The following TNK2 variants were observed in gnomAD, a reference collection of about 807,000 sequenced individuals.
TNK2 encodes tyrosine kinase non receptor 2, also known as activated CDC42 kinase 1.
In TNK2, 83 loss-of-function variants were observed where a neutral mutation model predicts 101.8. That is an observed-to-expected ratio of 0.82 (90% CI 0.68 to 0.98). The LOEUF (loss-of-function observed/expected upper bound fraction) is 0.98, where lower values mean the gene tolerates loss of function less well. Among genes scored for constraint, TNK2 ranks in the 50% least tolerant of loss-of-function variants. The probability of loss-of-function intolerance (pLI) is 0.00; values close to 1 mark genes in which losing one functional copy is unlikely to be tolerated. For synonymous variants in TNK2, 804 were observed against 633.0 expected, an observed-to-expected ratio of 1.27 and a Z score of -4.06; for missense variants, 1,665 against 1,483.2, an observed-to-expected ratio of 1.12 and a Z score of -2.01.
At chr3:195,891,337 C>A (rs1323504614) in intron 1 of TNK2, among the ~76,000 whole-genome samples, 2 of 152,198 alleles carry the variant, frequency 1.3e-5, no homozygotes, top group Non-Finnish European at 2.9e-5. Flanking sequence ...ACCCGGGAGG[C>A]GGAGGCTGTG....
intron 11 of TNK2, 120 bp downstream of exon 11, chr3:195,869,994 G>A: frequency 1.3e-6 from 1 of 780,670 alleles, no homozygotes; most frequent in Non-Finnish European, 2.0e-6. Context: ...TGTCCCGCCT[G>A]CTGCCCTGAC....
rs1223736093 is a variant in TNK2 at position 195,872,319 on chromosome 3, T to C, written c.1408A>G (p.Ser470Gly). 1.2e-6 allele frequency: 2 copies of C among 1,613,150 alleles called. No homozygotes were observed. Among genetic ancestry groups the C allele is most frequent in the Admixed American group, 1.7e-5 (1 of 59,992 alleles). ...AAGCCCCAGCAGTGGCGGGGGTCAC[T>C]GTCGCCATGCCCTGTGTGGATGAAG... is the stretch of plus-strand genomic sequence containing the variant. ...NSFIHTGHGD[S>G]DPRHCWGFPD... Residue 470 changes from serine to glycine, a missense_variant, in exon 10 of 16, where the codon AGT (serine) becomes GGT (glycine). Transcript: ENST00000672887.
chr3:195,895,220 G>A (rs757587225), intron 1 of TNK2: 2 of 1,498,974 alleles, frequency 1.3e-6, no homozygotes, highest in South Asian at 1.3e-5. Flanking sequence ...CCAGGTATCT[G>A]GCTATCCCCT....
chr3:195,890,969 T>C (rs1335548048), intron 1 of TNK2, among the ~76,000 whole-genome samples: 1 of 152,224 alleles, frequency 6.6e-6, no homozygotes, highest in Non-Finnish European at 1.5e-5. Flanking sequence ...TCTAGGTTAC[T>C]AACGTATTAG....
At position 195,872,472 on chromosome 3, in the gene TNK2, T is replaced by TGC; in HGVS notation, c.1257-4_1257-3dup. On this transcript the variant is annotated splice_polypyrimidine_tract_variant and splice_region_variant and intron_variant, in intron 9 of 15. Transcript: ENST00000672887. ...CCACGCCACCAGTAGTTCTCGGCCC[T>TGC]GCGCGACAGAGATGGCACGGTGAAC... The TGC allele has an allele frequency of 6.3e-7, 1 of 1,577,972 alleles. No individual in the cohort carries two copies. Among genetic ancestry groups the TGC allele is most frequent in the Non-Finnish European group, 8.6e-7 (1 of 1,159,320 alleles).
Position 195,884,962 on chromosome 3 carries a change from C to A in TNK2, c.306G>T (p.Ser102=). 1 of 1,613,806 alleles carries A rather than the reference C, an allele frequency of 6.2e-7. No individual in the cohort carries two copies. Among genetic ancestry groups the A allele is most frequent in the African/African-American group, 1.3e-5 (1 of 75,016 alleles). ...CCCCTGCTGGGCCCCCAGGGGCGGG[C>A]GAGGTCTTCCGGAAGGTGCTCTGAG... ...HHSQSTFRKT[S]PAPGGPAGEG... is the part of the protein sequence containing the mutation. Residue 102 remains serine, a synonymous_variant, in exon 4 of 16, where the codon TCG becomes TCT. Transcript: ENST00000672887.
At chr3:195,906,194 G>C (rs1427970096) in intron 1 of TNK2, among the ~76,000 whole-genome samples, 1 of 152,144 alleles carries the variant, frequency 6.6e-6, no homozygotes, top group Non-Finnish European at 1.5e-5. Context: ...CAAAGACATG[G>C]ACAAACCAGA....
chr3:195,906,058 G>C (rs971325208), intron 1 of TNK2, among the ~76,000 whole-genome samples: 3 of 152,090 alleles, frequency 2.0e-5, no homozygotes, highest in Admixed American at 1.3e-4. Flanking sequence ...TGGCAAATGA[G>C]CACATGAGAA....
At position 195,874,603 on chromosome 3, in the gene TNK2, ACACTC is replaced by A. The variant is rs1747898169; in HGVS notation, c.1257-2138_1257-2134del. On this transcript the variant is annotated intron_variant, in intron 9 of 15. Transcript: ENST00000672887. ...CTCCCCCTCGGGATGGCGCCCACGCACACTCCGAGGCACAAGAAGCTCCCCTCGGG... is the reference window on the plus strand; with the variant it reads ...CTCCCCCTCGGGATGGCGCCCACGCACGAGGCACAAGAAGCTCCCCTCGGG... Among the ~76,000 whole-genome samples, 9 of 73,340 alleles carry A rather than the reference ACACTC, an allele frequency of 1.2e-4. 2 individuals are homozygous for A. Among genetic ancestry groups the A allele is most frequent in the Non-Finnish European group, 1.5e-4 (6 of 39,448 alleles). 48.1% of individuals were successfully genotyped at this position (73,340 alleles called of 152,430 possible).
chr3:195,868,832 C>A (rs773411100), intron 12 of TNK2, 123 bp from the exon 13 acceptor site: 45 of 1,240,896 alleles, frequency 3.6e-5, no homozygotes, highest in Non-Finnish European at 4.8e-5. Context: ...CAACTCCCCC[C>A]GAGGTCTGAG....
intron 2 of TNK2, among the ~76,000 whole-genome samples, chr3:195,887,905 T>C (rs565283432): frequency 1.4e-3 from 178 of 126,240 alleles, no homozygotes; most frequent in African/African-American, 5.9e-3. Context: ...CATGCGTGTG[T>C]GCACGTGCAT....
chr3:195,873,132 C>T (rs1746592417), intron 9 of TNK2, among the ~76,000 whole-genome samples: 2 of 152,196 alleles, frequency 1.3e-5, no homozygotes, highest in Admixed American at 1.3e-4. Flanking sequence ...GGAGCCTCCC[C>T]GTCTCCTCAG....
At chr3:195,869,706 C>A (rs1743620022) in intron 11 of TNK2, 165 bp from the exon 12 acceptor site, 2 of 722,756 alleles carry the variant, frequency 2.8e-6, no homozygotes, top group Non-Finnish European at 4.8e-6. Context: ...CCGCAGGCGG[C>A]AGGATGAGGA....
chr3:195,907,566 CTAGGAGAGT>C (rs992155418), intron 1 of TNK2, among the ~76,000 whole-genome samples: 2 of 152,212 alleles, frequency 1.3e-5, no homozygotes, highest in Non-Finnish European at 2.9e-5. Context: ...GCGAACAGCT[CTAGGAGAGT>C]AAGGCCCACA....
chr3:195,872,559 G>A, intron 9 of TNK2, 89 bp from the exon 10 acceptor site: 1 of 1,362,882 alleles, frequency 7.3e-7, no homozygotes, highest in Non-Finnish European at 9.9e-7. Flanking sequence ...CACTGTGGCA[G>A]AAGGGGGATG....
intron 9 of TNK2, among the ~76,000 whole-genome samples, chr3:195,875,776 C>G (rs942111529): frequency 1.3e-5 from 2 of 152,128 alleles, no homozygotes; most frequent in Non-Finnish European, 2.9e-5. Flanking sequence ...AGGAAAAGGG[C>G]CCAACACCTC....
At chr3:195,873,227 G>A (rs1305196811) in intron 9 of TNK2, among the ~76,000 whole-genome samples, 1 of 152,218 alleles carries the variant, frequency 6.6e-6, no homozygotes. Flanking sequence ...TCTGACCTCA[G>A]ACACGAAACC....
chr3:195,870,311 G>T, intron 10 of TNK2, 106 bp from the exon 11 acceptor site: 1 of 1,547,868 alleles, frequency 6.5e-7, no homozygotes. Context: ...GTAGTCTTGG[G>T]TCTGAAGCAC....
chr3:195,888,711 G>A lies in TNK2; in HGVS notation c.-18-105C>T. ...CATCCCACTACACGGCCACCCGGAA[G>A]GGCTCACACCACCTTCTGACTCCCG... On this transcript the variant is annotated intron_variant, in intron 1 of 15. Coordinates refer to ENST00000672887, the MANE Select transcript of TNK2 (RefSeq NM_001382273.1). This position sits in a 1 kb window ranked among gnomAD's most constrained non-coding sequence, Gnocchi z 5.3. 9.1e-7 allele frequency: 1 copy of A among 1,101,530 alleles called. No individual in the cohort carries two copies. The highest frequency in any genetic ancestry group is 1.3e-6 in the Non-Finnish European group (1 of 791,428). The allele number at this position is 1,101,530 out of a possible 1,614,324, so 68.2% of individuals were successfully genotyped here.
Sources: allele counts gnomAD v4.1 joint callset (sites outside exome capture counted in the v4.1 genomes callset), GRCh38; gene constraint gnomAD v4.1.1; non-coding constraint Gnocchi (gnomAD v3.1); transcripts MANE v1.5; gene names NCBI Gene and HGNC (gene_info 2026-07-23, HGNC 2026-07-21).